Variants in MLC1 observed in about 807,000 individuals in gnomAD.
MLC1 encodes membrane protein MLC1.
MLC1 carries 32 observed loss-of-function variants against 44.7 expected under a neutral mutation model. That is an observed-to-expected ratio of 0.72 (90% confidence interval 0.54 to 0.96). The LOEUF (loss-of-function observed/expected upper bound fraction) is 0.96. Ranked by LOEUF, MLC1 falls within the 40% of genes least tolerant of loss-of-function variation. The probability of loss-of-function intolerance (pLI) is 0.00; values close to 1 mark genes in which losing one functional copy is unlikely to be tolerated. For missense variants in MLC1, 459 were observed against 492.2 expected, an observed-to-expected ratio of 0.93 and a Z score of 0.64; for synonymous variants, 190 against 213.0, an observed-to-expected ratio of 0.89 and a Z score of 0.94.
chr22:50,084,841 C>T lies in MLC1; in HGVS notation c.62G>A (p.Gly21Asp). ...GGCATAGCTGGCGGGGTCTTGCCGG[C>T]CCCGCTCCAGCGTGGGCATCCGGTC... ...AYDRMPTLER[G>D]RQDPASYAPD... The change falls in exon 2 of 12, where the codon GGC (glycine) becomes GAC (aspartate). Residue 21 changes from glycine to aspartate, a missense_variant. Transcript: ENST00000311597. 5.0e-6 allele frequency: 8 copies of T among 1,613,648 alleles called. No homozygotes were observed. Among genetic ancestry groups the T allele is most frequent in the Non-Finnish European group, 6.8e-6 (8 of 1,180,042 alleles).
rs117474715 is a variant in MLC1 at position 50,060,613 on chromosome 22, C to G, written c.*970G>C. The G allele has an allele frequency of 0.013, 1,943 of 152,928 alleles. 33 individuals are homozygous for G. Among genetic ancestry groups the G allele is most frequent in the East Asian group, 0.041 (217 of 5,320 alleles). 9.5% of individuals were successfully genotyped at this position (152,928 alleles called of 1,614,324 possible). A position where few individuals can be genotyped will look rare whatever the true frequency, so the allele number is the denominator to read the frequency against. The stretch of plus-strand genomic sequence containing the variant: ...CAGGAGGGAGGGGCTCAGCTTCCCC[C>G]GGTCACTGGGGCCAGGGAGACGTGG... On this transcript the variant is annotated 3_prime_UTR_variant, in exon 12 of 12. Transcript: ENST00000311597.
At chr22:50,076,737 A>T (rs1342082419) in intron 7 of MLC1, 104 bp downstream of exon 7, 2 of 1,230,130 alleles carry the variant, frequency 1.6e-6, no homozygotes, top group Admixed American at 3.5e-5. Flanking sequence ...CGGTGTAGAC[A>T]GCCAACTCTT....
rs775403698 is a variant in MLC1 at position 50,064,163 on chromosome 22, T to G, written c.930A>C (p.Leu310=). The change falls in exon 11 of 12, where the codon CTA becomes CTC. Residue 310 remains leucine, a synonymous_variant. Coordinates refer to ENST00000311597, the MANE Select transcript of MLC1 (RefSeq NM_015166.4). ...TGAGGCCGGCCTGCAGCAGGAGCACTAGCAGCAGCAGCAGCAGCAGCACAT... is the reference window on the plus strand; with the variant it reads ...TGAGGCCGGCCTGCAGCAGGAGCACGAGCAGCAGCAGCAGCAGCAGCACAT... ...SYDVLLLLLL[L]VLLLQAGLNT... The G allele has an allele frequency of 6.2e-7, 1 of 1,604,630 alleles. No individual in the cohort carries two copies. Among genetic ancestry groups the G allele is most frequent in the Non-Finnish European group, 8.5e-7 (1 of 1,178,986 alleles).
In MLC1 at chr22:50,084,738, A is replaced by G. The variant is rs750974556; in HGVS notation, c.165T>C (p.Ser55=). The G allele has an allele frequency of 2.7e-5, 44 of 1,613,986 alleles. No individual in the cohort carries two copies. Among genetic ancestry groups the G allele is most frequent in the Non-Finnish European group, 1.0e-5 (12 of 1,180,040 alleles). The change falls in exon 2 of 12, where the codon TCT becomes TCC. Residue 55 remains serine (S), a synonymous_variant. Transcript: ENST00000311597. ...PCFSHKTWVF[S]VLMGSCLLVT... ...TGGAGCTACTCACCCCCATCAGCACAGAGAAGACCCACGTCTTGTGGCTGA... is the reference window on the plus strand; with the variant it reads ...TGGAGCTACTCACCCCCATCAGCACGGAGAAGACCCACGTCTTGTGGCTGA...
intron 5 of MLC1, 115 bp downstream of exon 5, chr22:50,079,803 C>A: frequency 1.2e-6 from 1 of 826,320 alleles, no homozygotes; most frequent in South Asian, 1.3e-5. Context: ...GTCAAACTCA[C>A]GAGCTGTGAA....
intron 10 of MLC1, among the ~76,000 whole-genome samples, chr22:50,068,156 G>A (rs535862740): frequency 6.6e-6 from 1 of 152,212 alleles, no homozygotes; most frequent in Non-Finnish European, 1.5e-5. Flanking sequence ...ATAAACCCAG[G>A]ACAGATTCTA....
intron 7 of MLC1, 84 bp downstream of exon 7, chr22:50,076,757 G>A (rs189785025): frequency 2.8e-5 from 41 of 1,471,560 alleles, no homozygotes; most frequent in African/African-American, 2.4e-4. Flanking sequence ...TCGCCAACTC[G>A]GAATCGAAAC....
chr22:50,067,104 A>G (rs1189542301), intron 10 of MLC1, among the ~76,000 whole-genome samples: 2 of 152,164 alleles, frequency 1.3e-5, no homozygotes, highest in Non-Finnish European at 2.9e-5. Context: ...ATATTGTAAG[A>G]CAACATGAAG....
At chr22:50,069,018 C>T (rs551332116) in intron 9 of MLC1, among the ~76,000 whole-genome samples, 141 of 150,716 alleles carry the variant, frequency 9.4e-4, no homozygotes, top group South Asian at 1.9e-3. Flanking sequence ...TGAGCCACCG[C>T]GCCCGGCCTG....
intron 5 of MLC1, among the ~76,000 whole-genome samples, chr22:50,077,880 G>A (rs151098860): frequency 2.6e-3 from 399 of 152,288 alleles, no homozygotes; most frequent in Non-Finnish European, 4.8e-3. Context: ...GTTTTTTGGA[G>A]GGTAATGAAA....
intron 1 of MLC1, 95 bp downstream of exon 1, chr22:50,085,260 C>T (rs921810149): frequency 7.7e-6 from 9 of 1,174,742 alleles, no homozygotes; most frequent in East Asian, 5.4e-5. Flanking sequence ...CACATCACGC[C>T]GGGGACTCAA....
chr22:50,065,163 C>A (rs1478896513), intron 10 of MLC1, among the ~76,000 whole-genome samples: 1 of 152,154 alleles, frequency 6.6e-6, no homozygotes, highest in African/African-American at 2.4e-5. Context: ...AGGTGATCTG[C>A]CTGCTTCGGC....
Position 50,064,105 on chromosome 22 carries a change from T to C in MLC1, c.988A>G (p.Lys330Glu). Residue 330 changes from lysine (K) to glutamate (E), a missense_variant, in exon 11 of 12, where the codon AAG becomes GAG. Lys to Glu is a moderately conservative substitution (Grantham distance 56, BLOSUM62 1). Transcript: ENST00000311597. ...TGTAIQCVRF[K>E]VSARLQGASW... ...GCACCCTGCAGCCTTGCACTGACCT[T>C]GAAGCGCACGCACTGGATGGCGGTG... is the stretch of plus-strand genomic sequence containing the variant. 3.7e-6 allele frequency: 6 copies of C among 1,606,308 alleles called. 1 individual carries two copies. Among genetic ancestry groups the C allele is most frequent in the Non-Finnish European group, 5.1e-6 (6 of 1,178,236 alleles).
At chr22:50,067,896 G>A (rs2061749854) in intron 10 of MLC1, among the ~76,000 whole-genome samples, 1 of 151,240 alleles carries the variant, frequency 6.6e-6, no homozygotes, top group South Asian at 2.1e-4. Flanking sequence ...TTGACCTGGA[G>A]CAAACAGCTT....
chr22:50,081,810 G>T (rs938280691), intron 3 of MLC1, among the ~76,000 whole-genome samples: 1 of 152,216 alleles, frequency 6.6e-6, no homozygotes, highest in Admixed American at 6.5e-5. Context: ...TGGGGCCAAG[G>T]CTGGGCGGGG....
Position 50,074,118 on chromosome 22 carries a change from C to T in MLC1, c.714+98G>A. On this transcript the variant is annotated intron_variant, in intron 8 of 11. Transcript: ENST00000311597. ...AGCGAGGACCCTCTGTGGTGACTCT[C>T]TGTCTGAATGCACCAAGACTGAGCT... 3.0e-6 allele frequency: 3 copies of T among 1,000,118 alleles called. No homozygotes were observed. In the Middle Eastern group the frequency reaches 6.3e-4, roughly 210 times the overall value. 62.0% of individuals were successfully genotyped at this position (1,000,118 alleles called of 1,614,324 possible). A position where few individuals can be genotyped will look rare whatever the true frequency, so the allele number is the denominator to read the frequency against.
intron 11 of MLC1, among the ~76,000 whole-genome samples, chr22:50,063,366 G>A (rs576225084): frequency 1.6e-3 from 244 of 151,512 alleles, no homozygotes; most frequent in Admixed American, 5.6e-3. Context: ...CCAGCTACTC[G>A]GGAGGCTGAG....
intron 3 of MLC1, among the ~76,000 whole-genome samples, chr22:50,081,522 G>A (rs926470706): frequency 6.6e-6 from 1 of 152,254 alleles, no homozygotes; most frequent in Non-Finnish European, 1.5e-5. Flanking sequence ...AGGTTGGGAC[G>A]TCAGGGACAG....
At chr22:50,068,658 G>T in intron 9 of MLC1, 103 bp from the exon 10 acceptor site, 2 of 1,288,862 alleles carry the variant, frequency 1.6e-6, no homozygotes, top group Non-Finnish European at 2.2e-6. Flanking sequence ...GGCACTCATG[G>T]GCATAGTCCC....
Sources: allele counts gnomAD v4.1 joint callset (sites outside exome capture counted in the v4.1 genomes callset), GRCh38; gene constraint gnomAD v4.1.1; transcripts MANE v1.5; gene names NCBI Gene and HGNC (gene_info 2026-07-23, HGNC 2026-07-21).